CAST: variants seen among roughly 807,000 people sequenced by gnomAD.
The protein encoded by CAST is calpastatin, also known as MIR583 host.
In CAST, 76 loss-of-function variants were observed where a neutral mutation model predicts 119.6. That is an observed-to-expected ratio of 0.64 (90% confidence interval 0.53 to 0.77). CAST has a LOEUF of 0.77. Ranked by LOEUF, CAST falls within the 30% of genes least tolerant of loss-of-function variation. The probability of loss-of-function intolerance (pLI) is 0.00; values close to 1 mark genes in which losing one functional copy is unlikely to be tolerated. For missense variants in CAST, 953 were observed against 946.5 expected (o/e 1.01, Z -0.09); for synonymous variants, 319 against 331.6 (o/e 0.96, Z 0.41).
At chr5:96,176,420 A>G in the CAST span, among the ~76,000 whole-genome samples, 1 of 152,224 alleles carries the variant, frequency 6.6e-6, no homozygotes, top group Non-Finnish European at 1.5e-5. Context: ...TGTTTTAGGC[A>G]CTGGGAATAC....
chr5:96,722,839 A>T, intron 4 of CAST, 141 bp downstream of exon 4: 3 of 666,442 alleles, frequency 4.5e-6, no homozygotes, highest in Non-Finnish European at 8.1e-6. Flanking sequence ...TTCCTAATTT[A>T]TGGGGGTCTT....
intron 1 of CAST, among the ~76,000 whole-genome samples, chr5:96,589,750 T>C (rs191422047): frequency 1.3e-5 from 2 of 152,352 alleles, no homozygotes; most frequent in African/African-American, 4.8e-5. Context: ...ATTATGCTTT[T>C]CTTTGAGTAT....
the CAST span, among the ~76,000 whole-genome samples, chr5:96,281,747 A>G: frequency 6.6e-6 from 1 of 152,118 alleles, no homozygotes; most frequent in Non-Finnish European, 1.5e-5. Context: ...CTCACATGAC[A>G]TTTTCACTTA....
At chr5:96,046,210 G>A in the CAST span, among the ~76,000 whole-genome samples, 7 of 152,170 alleles carry the variant, frequency 4.6e-5, no homozygotes, top group South Asian at 4.2e-4. Flanking sequence ...GTTGCAGGCC[G>A]TTGTATTTTA....
At chr5:96,552,027 G>T (rs1746140213) in intron 1 of CAST, among the ~76,000 whole-genome samples, 1 of 151,980 alleles carries the variant, frequency 6.6e-6, no homozygotes, top group Non-Finnish European at 1.5e-5. Context: ...AAAATTAACA[G>T]GGATATCCAC....
At chr5:95,991,476 C>G in the CAST span, among the ~76,000 whole-genome samples, 1 of 142,352 alleles carries the variant, frequency 7.0e-6, no homozygotes, top group East Asian at 2.1e-4. Context: ...AGTAGAGTGA[C>G]TATAGTTAAC....
rs527585526 is a variant in CAST at position 96,760,412 on chromosome 5, C to T, written c.1834-1862C>T. Reference sequence around the variant, plus strand: ...AAACTTTTTAAAAAGTAGGCAATCCCCTAATCTGTTAAAGAGTCTTTAGTT... The same window carrying T: ...AAACTTTTTAAAAAGTAGGCAATCCTCTAATCTGTTAAAGAGTCTTTAGTT... On this transcript the variant is annotated intron_variant, in intron 24 of 31. Transcript: ENST00000675179. Among the ~76,000 whole-genome samples the T allele has an allele frequency of 5.3e-5, 8 of 151,882 alleles. No individual in the cohort carries two copies. The East Asian group carries it at 1.3e-3, about 26-fold the overall frequency.
At chr5:96,502,440 T>C in the CAST span, among the ~76,000 whole-genome samples, 1 of 151,940 alleles carries the variant, frequency 6.6e-6, no homozygotes, top group Non-Finnish European at 1.5e-5. Flanking sequence ...TTTTAAAAAT[T>C]CTTTAATTTT....
upstream of CAST, among the ~76,000 whole-genome samples, chr5:96,661,257 TA>T (rs59810319): frequency 0.28 from 18,689 of 67,866 alleles, 2,681 homozygotes; most frequent in African/African-American, 0.49. Context: ...TCTCTACCAT[TA>T]AAAAAAAAAA....
At chr5:96,561,732 A>G (rs1746365544) in intron 1 of CAST, among the ~76,000 whole-genome samples, 2 of 150,856 alleles carry the variant, frequency 1.3e-5, no homozygotes, top group Admixed American at 1.3e-4. Context: ...AAGTATAAAA[A>G]CATGAGAAGG....
chr5:96,105,665 A>G, the CAST span, among the ~76,000 whole-genome samples: 7 of 152,184 alleles, frequency 4.6e-5, no homozygotes, highest in Admixed American at 3.9e-4. Flanking sequence ...TTTTGCATCA[A>G]TGTTCATCAA....
intron 1 of CAST, among the ~76,000 whole-genome samples, chr5:96,558,194 A>G (rs1169732491): frequency 6.6e-6 from 1 of 152,240 alleles, no homozygotes; most frequent in Non-Finnish European, 1.5e-5. Context: ...TCTCTGGGAC[A>G]CATTCAAAGC....
the CAST span, among the ~76,000 whole-genome samples, chr5:95,985,173 G>C: frequency 1.8e-4 from 28 of 152,200 alleles, no homozygotes; most frequent in African/African-American, 6.5e-4. Flanking sequence ...AATTAGCTGG[G>C]TGTAGTAGCC....
chr5:95,985,052 C>T, the CAST span, among the ~76,000 whole-genome samples: 1 of 151,988 alleles, frequency 6.6e-6, no homozygotes, highest in South Asian at 2.1e-4. Context: ...TGGCTCACAT[C>T]CTGTAATCCC....
intron 1 of CAST, among the ~76,000 whole-genome samples, chr5:96,601,406 A>AAAG (rs1747150247): frequency 6.6e-6 from 1 of 152,234 alleles, no homozygotes; most frequent in Non-Finnish European, 1.5e-5. Flanking sequence ...GGCAGAAAAT[A>AAAG]AAGTCTCACC....
the CAST span, among the ~76,000 whole-genome samples, chr5:96,254,586 A>G: frequency 6.6e-6 from 1 of 152,022 alleles, no homozygotes; most frequent in African/African-American, 2.4e-5. Context: ...AGTGGTTCCT[A>G]TATTCAGGAG....
intron 3 of CAST, among the ~76,000 whole-genome samples, chr5:96,719,618 G>C (rs1041104346): frequency 6.6e-6 from 1 of 152,192 alleles, no homozygotes; most frequent in Admixed American, 6.5e-5. Context: ...AGGTACATGG[G>C]TCATTTGGGA....
chr5:96,397,305 T>G, the CAST span: 2 of 1,601,850 alleles, frequency 1.2e-6, no homozygotes, highest in Non-Finnish European at 1.7e-6. Flanking sequence ...AAAGTAAGCT[T>G]GTGTTTTTTC....
At chr5:96,294,770 T>A in the CAST span, among the ~76,000 whole-genome samples, 1 of 152,262 alleles carries the variant, frequency 6.6e-6, no homozygotes, top group Non-Finnish European at 1.5e-5. Flanking sequence ...AAGGTCACTC[T>A]ACTTCACATG....
Sources: allele counts gnomAD v4.1 joint callset (sites outside exome capture counted in the v4.1 genomes callset), GRCh38; gene constraint gnomAD v4.1.1; transcripts MANE v1.5; gene names NCBI Gene and HGNC (gene_info 2026-07-23, HGNC 2026-07-21).